Variants in ERC1 observed in about 807,000 individuals in gnomAD.
ERC1 encodes ELKS/RAB6-interacting/CAST family member 1.
A neutral mutation model predicts 132.0 loss-of-function variants in ERC1; 56 were observed. The ratio of observed to expected loss-of-function variants is 0.42; its 90% CI spans 0.34 to 0.53. ERC1 has a LOEUF of 0.53. Ranked by LOEUF, ERC1 falls within the 20% of genes least tolerant of loss-of-function variation. The pLI, the probability that ERC1 is intolerant of heterozygous loss-of-function variation, is 0.03. For synonymous variants in ERC1, 478 were observed against 476.1 expected (o/e 1.00, Z -0.05); for missense variants, 1,202 against 1,349.9 (o/e 0.89, Z 1.72).
In ERC1 at chr12:1,039,329, CGTT is replaced by C. The variant is rs1208422122; in HGVS notation, c.669+10760_669+10762del. ...TCCAGCCCTGGGTGACAGAGCGAGA[CGTT>C]GTCTCAAAAAAAAAAAAAAATAAAA... On this transcript the variant is annotated intron_variant, in intron 2 of 18. Transcript: ENST00000360905. Among the ~76,000 whole-genome samples the C allele has an allele frequency of 6.0e-5, 8 of 133,688 alleles. No homozygotes were observed. The East Asian group carries it at 1.6e-3, about 27-fold the overall frequency. 87.7% of individuals were successfully genotyped at this position (133,688 alleles called of 152,430 possible).
chr12:1,008,467 G>A (rs1964110534), intron 1 of ERC1, among the ~76,000 whole-genome samples: 1 of 151,890 alleles, frequency 6.6e-6, no homozygotes, highest in South Asian at 2.1e-4. Context: ...TTTTGAGACA[G>A]GCTCTTGCTA....
rs558993782 is a variant in ERC1 at position 1,353,189 on chromosome 12, C to A, written c.2781-18644C>A. Among the ~76,000 whole-genome samples the A allele has an allele frequency of 2.6e-5, 4 of 152,162 alleles. No homozygotes were observed. The South Asian group carries it at 8.3e-4, about 32-fold the overall frequency. ...GGGACTACAGGCGCCCGCCACCACA[C>A]CCAGCTAATTTTTTGTATTTGTAGT... On this transcript the variant is annotated intron_variant, in intron 15 of 18. Coordinates refer to ENST00000360905, the MANE Select transcript of ERC1 (RefSeq NM_178040.4).
chr12:1,405,702 C>A (rs2091442692), intron 16 of ERC1, among the ~76,000 whole-genome samples: 1 of 151,846 alleles, frequency 6.6e-6, no homozygotes, highest in African/African-American at 2.4e-5. Context: ...GACTCCATCT[C>A]AAAAAAATTA....
chr12:1,337,312 T>C (rs1287957281), intron 15 of ERC1, among the ~76,000 whole-genome samples: 1 of 150,518 alleles, frequency 6.6e-6, no homozygotes, highest in African/African-American at 2.5e-5. Context: ...GCTCTTCTTT[T>C]TCTTTTTTTT....
At chr12:1,473,646 A>G (rs939698090) in intron 18 of ERC1, among the ~76,000 whole-genome samples, 9 of 151,626 alleles carry the variant, frequency 5.9e-5, no homozygotes, top group African/African-American at 1.9e-4. Flanking sequence ...AAAAAAAAAA[A>G]AAAGGACAGG....
intron 1 of ERC1, among the ~76,000 whole-genome samples, chr12:1,013,370 CTTGA>C (rs1965005736): frequency 6.6e-6 from 1 of 152,040 alleles, no homozygotes; most frequent in Non-Finnish European, 1.5e-5. Flanking sequence ...TTATAATTAA[CTTGA>C]TTAATTGATA....
At chr12:1,304,779 C>CTTTTTTTTTTTTTTTTTTT (rs1186965322) in intron 15 of ERC1, among the ~76,000 whole-genome samples, 1 of 70,082 alleles carries the variant, frequency 1.4e-5, no homozygotes, top group Non-Finnish European at 2.8e-5. Flanking sequence ...TGTTGTAACT[C>CTTTTTTTTTTTTTTTTTTT]TTTTTTTTTT....
intron 15 of ERC1, among the ~76,000 whole-genome samples, chr12:1,364,422 G>A (rs2086460425): frequency 6.6e-6 from 1 of 152,110 alleles, no homozygotes; most frequent in Non-Finnish European, 1.5e-5. Context: ...CCCTCTGCCT[G>A]CTGGGTTCTG....
intron 12 of ERC1, among the ~76,000 whole-genome samples, chr12:1,199,393 C>G (rs1380342503): frequency 1.3e-5 from 2 of 152,160 alleles, no homozygotes; most frequent in Non-Finnish European, 2.9e-5. Context: ...ATTTTGTGGA[C>G]TACCAAGACA....
At chr12:1,106,188 C>T (rs1392696648) in intron 4 of ERC1, among the ~76,000 whole-genome samples, 3 of 152,154 alleles carry the variant, frequency 2.0e-5, no homozygotes, top group East Asian at 1.9e-4. Context: ...TCCAGTGGGT[C>T]GTTTTGAGGT....
chr12:1,284,043 C>G (rs904823930), intron 14 of ERC1, among the ~76,000 whole-genome samples: 1 of 152,136 alleles, frequency 6.6e-6, no homozygotes, highest in Non-Finnish European at 1.5e-5. Context: ...AACCAACCTC[C>G]CTTCATCCCC....
At chr12:1,206,933 G>A (rs1429159798) in intron 12 of ERC1, among the ~76,000 whole-genome samples, 1 of 152,062 alleles carries the variant, frequency 6.6e-6, no homozygotes, top group Admixed American at 6.5e-5. Context: ...TCAGAGCTTC[G>A]TGATGACCTT....
At chr12:1,283,544 C>T (rs1438044431) in intron 14 of ERC1, among the ~76,000 whole-genome samples, 1 of 152,096 alleles carries the variant, frequency 6.6e-6, no homozygotes, top group Non-Finnish European at 1.5e-5. Flanking sequence ...AAACTGTTTC[C>T]CTGGCTTAGA....
chr12:1,336,635 T>C (rs1042071032), intron 15 of ERC1, among the ~76,000 whole-genome samples: 4 of 152,174 alleles, frequency 2.6e-5, no homozygotes, highest in African/African-American at 7.2e-5. Flanking sequence ...TTCAGTTCTT[T>C]TGCATTTACT....
At chr12:1,418,151 G>A (rs560549058) in intron 17 of ERC1, among the ~76,000 whole-genome samples, 11 of 152,244 alleles carry the variant, frequency 7.2e-5, no homozygotes, top group African/African-American at 2.2e-4. Flanking sequence ...ATTTTTTAAA[G>A]ACGTTATTAT....
chr12:1,070,463 A>T (rs1940138081), intron 2 of ERC1, among the ~76,000 whole-genome samples: 1 of 151,090 alleles, frequency 6.6e-6, no homozygotes, highest in Admixed American at 6.6e-5. Flanking sequence ...AATTTTTTTA[A>T]TTTTTTTGTA....
At chr12:1,311,062 G>C (rs996872098) in intron 15 of ERC1, among the ~76,000 whole-genome samples, 12 of 152,274 alleles carry the variant, frequency 7.9e-5, no homozygotes, top group Non-Finnish European at 1.8e-4. Flanking sequence ...TGTGAAGAAT[G>C]AGAATATCAC....
Position 1,264,650 on chromosome 12 carries a change from C to T in ERC1, c.2619+1485C>T, listed in dbSNP as rs373628560. On this transcript the variant is annotated intron_variant, in intron 14 of 18. Transcript: ENST00000360905. ...CTGCACTCCAGCCTGGGCGACAGAG[C>T]GAGACTCTGTCTCAAACAAAAAAAA... Among the ~76,000 whole-genome samples, 73 of 151,696 alleles carry T rather than the reference C, an allele frequency of 4.8e-4. No individual in the cohort carries two copies. In the East Asian group the frequency reaches 0.013, roughly 26 times the overall value.
In ERC1 at chr12:1,183,315, C is replaced by T. The variant is rs1954696183; in HGVS notation, c.2051C>T (p.Ser684Phe). Residue 684 changes from serine (S) to phenylalanine (F), a missense_variant, in exon 11 of 19, where the codon TCT (serine) becomes TTT (phenylalanine). Coordinates refer to ENST00000360905, the MANE Select transcript of ERC1 (RefSeq NM_178040.4). ...TTGGATCTGAAAGAGCATGCTTCTT[C>T]TCTGGCATCCTCAGGACTGAAAAAG... The part of the protein sequence containing the change: ...SLLDLKEHAS[S>F]LASSGLKKDS... 3.2e-6 allele frequency: 5 copies of T among 1,577,182 alleles called. No individual in the cohort carries two copies. Among genetic ancestry groups the T allele is most frequent in the Admixed American group, 1.7e-5 (1 of 59,470 alleles).
Sources: allele counts gnomAD v4.1 joint callset (sites outside exome capture counted in the v4.1 genomes callset), GRCh38; gene constraint gnomAD v4.1.1; transcripts MANE v1.5; gene names NCBI Gene and HGNC (gene_info 2026-07-23, HGNC 2026-07-21).